COL5A2: variants seen among roughly 807,000 people sequenced by gnomAD.
The protein encoded by COL5A2 is collagen alpha-2(V) chain.
Under a neutral mutation model 208.2 loss-of-function variants are expected in COL5A2, and 23 were observed. That is an observed-to-expected ratio of 0.11 (90% CI 0.08 to 0.16). The LOEUF (loss-of-function observed/expected upper bound fraction) is 0.16, where lower values mean the gene tolerates loss of function less well. Ranked by LOEUF, COL5A2 falls within the 10% of genes least tolerant of loss-of-function variation. The pLI is 1.00. For synonymous variants in COL5A2, 625 were observed against 628.5 expected, an observed-to-expected ratio of 0.99 and a Z score of 0.08; for missense variants, 1,590 against 1,956.4, an observed-to-expected ratio of 0.81 and a Z score of 3.53.
In COL5A2 at chr2:189,062,856, A is replaced by C; in HGVS notation, c.1977+9T>G. 1 of 1,614,062 alleles carries C rather than the reference A, an allele frequency of 6.2e-7. No homozygotes were observed. The highest frequency in any genetic ancestry group is 8.5e-7 in the Non-Finnish European group (1 of 1,180,002). On this transcript the variant is annotated intron_variant, in intron 29 of 53. Coordinates refer to ENST00000374866, the MANE Select transcript of COL5A2 (RefSeq NM_000393.5). ...TATTCTCACACACACACACACAAAA[A>C]TCACATACCGGCGGGCCCACAGGAC...
chr2:189,346,303 G>A, the COL5A2 span, among the ~76,000 whole-genome samples: 1 of 152,138 alleles, frequency 6.6e-6, no homozygotes, highest in Admixed American at 6.5e-5. Flanking sequence ...AGCTAAACAA[G>A]GATAGAAAAT....
chr2:189,329,411 T>C, the COL5A2 span, among the ~76,000 whole-genome samples: 1 of 152,192 alleles, frequency 6.6e-6, no homozygotes, highest in Admixed American at 6.5e-5. Flanking sequence ...TTGTACAGCA[T>C]GGTGACTATA....
the COL5A2 span, among the ~76,000 whole-genome samples, chr2:189,318,376 C>T: frequency 6.6e-6 from 1 of 152,220 alleles, no homozygotes; most frequent in Non-Finnish European, 1.5e-5. Context: ...ATTTCCTTCT[C>T]TTGCCTCACT....
chr2:189,046,029 A>G (rs186932462), intron 45 of COL5A2, 122 bp from the exon 46 acceptor site: 106 of 643,686 alleles, frequency 1.6e-4, no homozygotes, highest in Admixed American at 4.9e-4. Flanking sequence ...ACTTATTTTT[A>G]CTTATTATTT....
the COL5A2 span, among the ~76,000 whole-genome samples, chr2:189,265,725 T>C: frequency 6.6e-6 from 1 of 152,180 alleles, no homozygotes; most frequent in African/African-American, 2.4e-5. Context: ...GTATAAAAAG[T>C]GCTCATTATC....
chr2:189,104,693 C>T (rs1160973632), intron 2 of COL5A2, among the ~76,000 whole-genome samples: 1 of 151,794 alleles, frequency 6.6e-6, no homozygotes, highest in Non-Finnish European at 1.5e-5. Context: ...GTCATTCCAT[C>T]TGGTCCTGTG....
chr2:189,307,258 A>G, the COL5A2 span, among the ~76,000 whole-genome samples: 2 of 152,100 alleles, frequency 1.3e-5, no homozygotes, highest in Admixed American at 6.6e-5. Flanking sequence ...GCAATTGTGT[A>G]CTCTGGTTAC....
chr2:189,293,736 T>G, the COL5A2 span, among the ~76,000 whole-genome samples: 1 of 152,190 alleles, frequency 6.6e-6, no homozygotes, highest in African/African-American at 2.4e-5. Context: ...TACTGGTGCC[T>G]TTTCTTAGAC....
intron 1 of COL5A2, among the ~76,000 whole-genome samples, chr2:189,217,649 A>G (rs1371621354): frequency 1.3e-5 from 2 of 152,206 alleles, no homozygotes; most frequent in African/African-American, 2.4e-5. Context: ...GCTAAGCTTG[A>G]TAAGAAAGTC....
chr2:189,296,746 A>T, the COL5A2 span, among the ~76,000 whole-genome samples: 2 of 152,192 alleles, frequency 1.3e-5, no homozygotes, highest in Non-Finnish European at 2.9e-5. Flanking sequence ...TAAGACTGGA[A>T]CTCCAAACTC....
chr2:189,092,391 T>C lies in COL5A2; in HGVS notation c.486A>G (p.Gly162=). The C allele has an allele frequency of 6.2e-7, 1 of 1,605,164 alleles. No homozygotes were observed. The highest frequency in any genetic ancestry group is 8.5e-7 in the Non-Finnish European group (1 of 1,175,464). Residue 162 remains glycine (G), a synonymous_variant, in exon 7 of 54, where the codon GGA becomes GGG. Transcript: ENST00000374866. ...PGPRGPQGID[G]EPGVPGQPGA... The stretch of plus-strand genomic sequence containing the variant: ...CAGGTTGACCAGGAACACCTGGTTC[T>C]CCATCAATTCCCTGAGGTCCACGAG...
intron 1 of COL5A2, among the ~76,000 whole-genome samples, chr2:189,112,258 C>T (rs989294261): frequency 2.0e-5 from 3 of 152,098 alleles, no homozygotes; most frequent in Admixed American, 1.3e-4. Context: ...CTACGGTAAA[C>T]TAGTTTAATT....
At chr2:189,163,253 G>GA (rs956495758) in intron 1 of COL5A2, among the ~76,000 whole-genome samples, 10 of 151,920 alleles carry the variant, frequency 6.6e-5, no homozygotes, top group African/African-American at 2.4e-4. Context: ...AGGATTGTTG[G>GA]AAAAAATAAG....
At chr2:189,361,931 C>G in the COL5A2 span, among the ~76,000 whole-genome samples, 1 of 152,094 alleles carries the variant, frequency 6.6e-6, no homozygotes, top group Non-Finnish European at 1.5e-5. Context: ...TTTTGACTTA[C>G]TGATGTTTCC....
the COL5A2 span, among the ~76,000 whole-genome samples, chr2:189,303,848 A>G: frequency 6.6e-6 from 1 of 152,072 alleles, no homozygotes; most frequent in East Asian, 1.9e-4. Context: ...TCTGACCACG[A>G]GGCACCCCGA....
the COL5A2 span, among the ~76,000 whole-genome samples, chr2:189,351,562 TAAAC>T: frequency 6.6e-6 from 1 of 152,310 alleles, no homozygotes; most frequent in African/African-American, 2.4e-5. Flanking sequence ...TGTATATAAA[TAAAC>T]AGTCAATACT....
In COL5A2 at chr2:189,053,954, A is replaced by G. The variant is rs1685846216; in HGVS notation, c.2446-6T>C. The G allele has an allele frequency of 6.2e-7, 1 of 1,613,776 alleles. No homozygotes were observed. ...CCTCGAGGACCAGGTTCACCCTAGA[A>G]AGCAGATTTTAGATGGTTACTGTCC... On this transcript the variant is annotated splice_polypyrimidine_tract_variant and splice_region_variant and intron_variant, in intron 36 of 53. Transcript: ENST00000374866.
the COL5A2 span, among the ~76,000 whole-genome samples, chr2:189,386,690 G>A: frequency 6.6e-6 from 1 of 152,214 alleles, no homozygotes; most frequent in East Asian, 1.9e-4. Context: ...CTCAAAAGAA[G>A]ACATACAAGT....
At chr2:189,377,854 T>C in the COL5A2 span, among the ~76,000 whole-genome samples, 1 of 152,200 alleles carries the variant, frequency 6.6e-6, no homozygotes, top group African/African-American at 2.4e-5. Context: ...AATTATTTGT[T>C]TCTTCTTGCG....
Sources: gnomAD v4.1 joint callset for allele counts (sites outside exome capture counted in the v4.1 genomes callset) on GRCh38, gnomAD v4.1.1 for gene constraint, MANE v1.5 for transcripts, NCBI Gene and HGNC (gene_info 2026-07-23, HGNC 2026-07-21) for gene names.